TGFBR3: variants seen among roughly 807,000 people sequenced by gnomAD.
TGFBR3 encodes the protein transforming growth factor beta receptor type 3.
In TGFBR3, 46 loss-of-function variants were observed where a neutral mutation model predicts 87.9. The ratio of observed to expected loss-of-function variants is 0.52; its 90% CI spans 0.41 to 0.67. TGFBR3 has a LOEUF of 0.67. Ranked by LOEUF, TGFBR3 falls within the 30% of genes least tolerant of loss-of-function variation. The pLI, the probability that TGFBR3 is intolerant of heterozygous loss-of-function variation, is 0.00. For missense variants in TGFBR3, 866 were observed against 1,041.9 expected (o/e 0.83, Z 2.32); for synonymous variants, 381 against 391.6 (o/e 0.97, Z 0.32).
At chr1:91,768,605 G>A (rs1674266144) in intron 3 of TGFBR3, among the ~76,000 whole-genome samples, 2 of 152,148 alleles carry the variant, frequency 1.3e-5, no homozygotes, top group South Asian at 4.1e-4. Context: ...TCATGAGAGA[G>A]TTCTCACAAG....
At chr1:91,737,239 G>A (rs1445057114) in intron 4 of TGFBR3, among the ~76,000 whole-genome samples, 1 of 152,162 alleles carries the variant, frequency 6.6e-6, no homozygotes, top group East Asian at 1.9e-4. Context: ...CCTGACTGCA[G>A]GTCAGTGGAA....
In TGFBR3 at chr1:91,712,468, AG is replaced by A. The variant is rs1672017368; in HGVS notation, c.1940del (p.Pro647LeufsTer20). 5.0e-6 allele frequency: 8 copies of A among 1,614,102 alleles called. No homozygotes were observed. Among genetic ancestry groups the A allele is most frequent in the Non-Finnish European group, 6.8e-6 (8 of 1,180,020 alleles). ...QTCFISPYSN[P>X]DRMSHYTIIE... ...TAATGGTGTAATGAGACATCCTATC[AG>A]GGTTCGAATATGGAGAGATAAAGCA... On this transcript the variant is annotated frameshift_variant, in exon 13 of 17. Coordinates refer to ENST00000212355, the MANE Select transcript of TGFBR3 (RefSeq NM_003243.5). LOFTEE classifies it high-confidence loss of function.
chr1:91,902,594 ATTT>A (rs953787688), intron 1 of TGFBR3, among the ~76,000 whole-genome samples: 1 of 146,392 alleles, frequency 6.8e-6, no homozygotes, highest in African/African-American at 2.5e-5. Context: ...AGTGCAGTTT[ATTT>A]TTTTTTTCTT....
intron 16 of TGFBR3, among the ~76,000 whole-genome samples, chr1:91,689,231 T>A (rs1275298816): frequency 6.6e-6 from 1 of 152,176 alleles, no homozygotes; most frequent in Non-Finnish European, 1.5e-5. Context: ...ACTTCTTCTT[T>A]CTCCAGTGAG....
Position 91,700,270 on chromosome 1 carries a change from AT to A in TGFBR3, c.2288-2141del, listed in dbSNP as rs538846321. Among the ~76,000 whole-genome samples, 75 of 152,326 alleles carry A rather than the reference AT, an allele frequency of 4.9e-4. 1 individual carries two copies. The South Asian group carries it at 0.013, about 27-fold the overall frequency. On this transcript the variant is annotated intron_variant, in intron 14 of 16. Coordinates refer to ENST00000212355, the MANE Select transcript of TGFBR3 (RefSeq NM_003243.5). ...GTTTAGCACCTCTCTTTTCATCTCCATTTTCATTCACCACAGAAGGAACACA... is the reference window on the plus strand; with the variant it reads ...GTTTAGCACCTCTCTTTTCATCTCCATTTCATTCACCACAGAAGGAACACA...
At chr1:91,832,530 C>T (rs754198627) in intron 2 of TGFBR3, among the ~76,000 whole-genome samples, 1 of 152,072 alleles carries the variant, frequency 6.6e-6, no homozygotes, top group Non-Finnish European at 1.5e-5. Context: ...TATTATTGGC[C>T]GCACTTTACA....
intron 1 of TGFBR3, chr1:91,863,898 C>T (rs1184350366): frequency 2.6e-5 from 4 of 152,118 alleles, no homozygotes; most frequent in African/African-American, 9.7e-5. Context: ...AAATCTTCTC[C>T]GTTAACTTAA....
At chr1:91,861,211 G>C (rs1315647457) in intron 2 of TGFBR3, among the ~76,000 whole-genome samples, 3 of 152,050 alleles carry the variant, frequency 2.0e-5, no homozygotes, top group African/African-American at 7.2e-5. Context: ...AAACCAGCCT[G>C]AGCAACATAG....
intron 1 of TGFBR3, among the ~76,000 whole-genome samples, chr1:91,866,499 GA>G (rs1222190895): frequency 2.6e-5 from 4 of 152,098 alleles, no homozygotes; most frequent in African/African-American, 9.7e-5. Flanking sequence ...ATATAGCAAT[GA>G]AAAAAAGACG....
At chr1:91,823,344 A>G (rs573088607) in intron 2 of TGFBR3, among the ~76,000 whole-genome samples, 9 of 152,370 alleles carry the variant, frequency 5.9e-5, no homozygotes, top group African/African-American at 1.7e-4. Flanking sequence ...ATAAAGTTAC[A>G]TACAACTCAG....
intron 4 of TGFBR3, among the ~76,000 whole-genome samples, chr1:91,751,890 T>C (rs1471879867): frequency 6.6e-6 from 1 of 152,238 alleles, no homozygotes; most frequent in Non-Finnish European, 1.5e-5. Context: ...TGCCAGTTTC[T>C]GTTCCAAATT....
chr1:91,719,859 G>A, intron 9 of TGFBR3, 34 bp downstream of exon 9: 1 of 1,595,262 alleles, frequency 6.3e-7, no homozygotes, highest in Non-Finnish European at 8.6e-7. Context: ...AAAGGAGGTA[G>A]CCTCTCTTCC....
At chr1:91,892,262 T>A (rs2101332900) in intron 2 of TGFBR3, among the ~76,000 whole-genome samples, 1 of 152,206 alleles carries the variant, frequency 6.6e-6, no homozygotes, top group East Asian at 1.9e-4. Flanking sequence ...CCTTAGGGTA[T>A]GTGGCAGGAC....
intron 1 of TGFBR3, among the ~76,000 whole-genome samples, chr1:91,882,961 C>T (rs918066725): frequency 6.6e-6 from 1 of 152,106 alleles, no homozygotes; most frequent in Non-Finnish European, 1.5e-5. Flanking sequence ...TACTGATCCC[C>T]TATTGTCTTG....
intron 2 of TGFBR3, among the ~76,000 whole-genome samples, chr1:91,830,593 C>A (rs1270359724): frequency 6.6e-6 from 1 of 152,128 alleles, no homozygotes; most frequent in Non-Finnish European, 1.5e-5. Flanking sequence ...GAGCTGCAGT[C>A]ATACCAGCCA....
rs1670885031 is a variant in TGFBR3, at chr1:91,680,829, G to C, written c.*2910C>G. 1 of 451,394 alleles carries C rather than the reference G, an allele frequency of 2.2e-6. No individual in the cohort carries two copies. Among genetic ancestry groups the C allele is most frequent in the Non-Finnish European group, 4.4e-6 (1 of 225,218 alleles). 28.0% of individuals were successfully genotyped at this position (451,394 alleles called of 1,614,324 possible). On this transcript the variant is annotated 3_prime_UTR_variant, in exon 17 of 17. Coordinates refer to ENST00000212355, the MANE Select transcript of TGFBR3 (RefSeq NM_003243.5). ...CCACTAAGAACACAAGCAGGAAATG[G>C]ATTTACAATCTTATTACAAGGCAAA...
At chr1:91,717,687 ATT>A (rs1672220578) in intron 10 of TGFBR3, among the ~76,000 whole-genome samples, 6 of 135,874 alleles carry the variant, frequency 4.4e-5, no homozygotes, top group Non-Finnish European at 3.3e-5. Flanking sequence ...TGGGAAGAAA[ATT>A]AAAAAAAAAA....
chr1:91,837,057 T>C (rs1214265980), intron 2 of TGFBR3, among the ~76,000 whole-genome samples: 2 of 152,180 alleles, frequency 1.3e-5, no homozygotes, highest in African/African-American at 4.8e-5. Context: ...TTGCCTTTCA[T>C]TTAAACTAAA....
At chr1:91,852,127 T>C (rs1316922853) in intron 2 of TGFBR3, among the ~76,000 whole-genome samples, 1 of 152,106 alleles carries the variant, frequency 6.6e-6, no homozygotes, top group Non-Finnish European at 1.5e-5. Context: ...CATGTGCCTG[T>C]AGTTCCAGCT....
Sources: allele counts gnomAD v4.1 joint callset (sites outside exome capture counted in the v4.1 genomes callset), GRCh38; gene constraint gnomAD v4.1.1; transcripts MANE v1.5; gene names NCBI Gene and HGNC (gene_info 2026-07-23, HGNC 2026-07-21).